The following RRP36 variants were observed in gnomAD, a reference collection of about 807,000 sequenced individuals.
RRP36 encodes the protein ribosomal RNA processing 36.
In RRP36, 44 loss-of-function variants were observed where a neutral mutation model predicts 39.8. The ratio of observed to expected loss-of-function variants is 1.10; its 90% CI spans 0.87 to 1.42. The LOEUF is 1.42. Among genes scored for constraint, RRP36 ranks in the 40% most tolerant of loss-of-function variants. The pLI is 0.00. For missense variants in RRP36, 316 were observed against 322.4 expected, an observed-to-expected ratio of 0.98 and a Z score of 0.15; for synonymous variants, 124 against 123.1, an observed-to-expected ratio of 1.01 and a Z score of -0.05.
intron 1 of RRP36, among the ~76,000 whole-genome samples, chr6:43,024,553 T>C (rs1762777085): frequency 6.6e-6 from 1 of 152,070 alleles, no homozygotes; most frequent in African/African-American, 2.4e-5. Context: ...TTGAGGCGCA[T>C]AGCTTTGAGA....
At chr6:43,025,952 A>T (rs1229642335) in intron 3 of RRP36, 85 bp from the exon 4 acceptor site, 3 of 998,500 alleles carry the variant, frequency 3.0e-6, no homozygotes, top group Admixed American at 2.3e-5. Flanking sequence ...AAAAAAAGAA[A>T]GATGAGGAAG....
At chr6:43,028,964 AG>A (rs1762866086) in intron 6 of RRP36, 127 bp from the exon 7 acceptor site, 2 of 1,242,610 alleles carry the variant, frequency 1.6e-6, no homozygotes, top group Admixed American at 2.2e-5. Flanking sequence ...GAAAAAAGAT[AG>A]AGGGGCACCA....
chr6:43,025,352 G>A, intron 3 of RRP36, 23 bp downstream of exon 3: 2 of 1,610,438 alleles, frequency 1.2e-6, no homozygotes, highest in Non-Finnish European at 1.7e-6. Flanking sequence ...GCCAGGCACT[G>A]TGGCTCACGC....
intron 6 of RRP36, 49 bp from the exon 7 acceptor site, chr6:43,029,043 T>C (rs1348138421): frequency 9.3e-6 from 15 of 1,609,386 alleles, no homozygotes; most frequent in Non-Finnish European, 1.3e-5. Flanking sequence ...TGGGAAAGAA[T>C]AGGGGCTTCC....
Position 43,027,364 on chromosome 6 carries a change from A to G in RRP36, c.530A>G (p.Gln177Arg), listed in dbSNP as rs1195152813. 6.2e-7 allele frequency: 1 copy of G among 1,614,104 alleles called. No homozygotes were observed. The highest frequency in any genetic ancestry group is 8.5e-7 in the Non-Finnish European group (1 of 1,180,048). The change falls in exon 6 of 7, where the codon CAG (glutamine) becomes CGG (arginine). Residue 177 changes from glutamine (Q) to arginine (R), a missense_variant. Coordinates refer to ENST00000244496, the MANE Select transcript of RRP36 (RefSeq NM_033112.4). ...CATCTCATCTTTGCTCCTCAGGAGCAGCAAGAAATGGCACAGCAGGAACGA... is the reference window on the plus strand; with the variant it reads ...CATCTCATCTTTGCTCCTCAGGAGCGGCAAGAAATGGCACAGCAGGAACGA... ...KLQQLLQRME[Q>R]QEMAQQERKQ...
chr6:43,027,802 CACAG>C (rs1398421931), intron 6 of RRP36, among the ~76,000 whole-genome samples: 1 of 126,056 alleles, frequency 7.9e-6, no homozygotes, highest in East Asian at 2.5e-4. Context: ...CACACACAAA[CACAG>C]AGTCAGTTTT....
chr6:43,027,300 G>A (rs1561863705), intron 5 of RRP36, 48 bp downstream of exon 5: 1 of 1,612,038 alleles, frequency 6.2e-7, no homozygotes, highest in Admixed American at 1.7e-5. Flanking sequence ...TTAAAGGTGG[G>A]AGATATTCAC....
At chr6:43,027,716 C>G (rs1360423464) in intron 6 of RRP36, among the ~76,000 whole-genome samples, 2 of 131,666 alleles carry the variant, frequency 1.5e-5, no homozygotes, top group Non-Finnish European at 3.3e-5. Context: ...TTCCCAACCC[C>G]CCCCCCCCAA....
chr6:43,029,477 G>T lies in RRP36; in HGVS notation c.*249G>T. 1 of 383,820 alleles carries T rather than the reference G, an allele frequency of 2.6e-6. No individual in the cohort carries two copies. Among genetic ancestry groups the T allele is most frequent in the Non-Finnish European group, 4.6e-6 (1 of 215,552 alleles). The allele number at this position is 383,820 out of a possible 1,614,324, so 23.8% of individuals were successfully genotyped here. On this transcript the variant is annotated 3_prime_UTR_variant, in exon 7 of 7. Coordinates refer to ENST00000244496, the MANE Select transcript of RRP36 (RefSeq NM_033112.4). ...GTCCTCGTGTTCTTCTCTCATCCTT[G>T]CCTTAAACCAGGGATTCTGATACCG...
chr6:43,028,173 A>G (rs1288618279), intron 6 of RRP36, among the ~76,000 whole-genome samples: 1 of 151,802 alleles, frequency 6.6e-6, no homozygotes, highest in East Asian at 1.9e-4. Flanking sequence ...TACTAAAGAT[A>G]TAAAAAAATT....
intron 1 of RRP36, among the ~76,000 whole-genome samples, chr6:43,022,447 C>T (rs1312475882): frequency 1.3e-5 from 2 of 151,564 alleles, no homozygotes; most frequent in African/African-American, 2.4e-5. Context: ...AAAGTCTCGC[C>T]CTGTAGCCCA....
chr6:43,028,939 C>T (rs957157186), intron 6 of RRP36, among the ~76,000 whole-genome samples, 153 bp from the exon 7 acceptor site: 1 of 152,124 alleles, frequency 6.6e-6, no homozygotes, highest in Non-Finnish European at 1.5e-5. Flanking sequence ...GGTAACAGAG[C>T]AGGACTCCGT....
Position 43,025,340 on chromosome 6 carries a change from A to C in RRP36, c.345+11A>C, listed in dbSNP as rs769168401. On this transcript the variant is annotated intron_variant, in intron 3 of 6. Coordinates refer to ENST00000244496, the MANE Select transcript of RRP36 (RefSeq NM_033112.4). ...CCCATTAGTAAAAAGGTAAGGAAGA[A>C]GGCCAGGCACTGTGGCTCACGCCTG... 2 of 1,612,510 alleles carry C rather than the reference A, an allele frequency of 1.2e-6. No individual in the cohort carries two copies. Among genetic ancestry groups the C allele is most frequent in the South Asian group, 2.2e-5 (2 of 90,998 alleles).
rs772721005 is a variant in RRP36 at position 43,024,978 on chromosome 6, T to A, written c.131-7T>A. 6.2e-7 allele frequency: 1 copy of A among 1,613,594 alleles called. No homozygotes were observed. The highest frequency in any genetic ancestry group is 1.7e-5 in the Admixed American group (1 of 60,010). On this transcript the variant is annotated splice_region_variant and splice_polypyrimidine_tract_variant and intron_variant, in intron 1 of 6. Transcript: ENST00000244496. ...GCTGAGTTGTATGTCCCTCCCCACTTCCACAGGCACATCTAACATGTCATT... is the reference window on the plus strand; with the variant it reads ...GCTGAGTTGTATGTCCCTCCCCACTACCACAGGCACATCTAACATGTCATT...
At chr6:43,021,817 G>GGAAGGA in intron 1 of RRP36, 33 bp downstream of exon 1, 1 of 1,200,138 alleles carries the variant, frequency 8.3e-7, no homozygotes, top group Non-Finnish European at 1.0e-6. Flanking sequence ...GCTGGGGAGG[G>GGAAGGA]GAAGGAGATT....
At chr6:43,027,129 G>A in intron 4 of RRP36, 49 bp from the exon 5 acceptor site, 1 of 1,537,714 alleles carries the variant, frequency 6.5e-7, no homozygotes, top group African/African-American at 1.4e-5. Flanking sequence ...TAAAATTTCA[G>A]CTAACATTTG....
chr6:43,024,394 C>T (rs1036219459), intron 1 of RRP36, among the ~76,000 whole-genome samples: 1 of 152,020 alleles, frequency 6.6e-6, no homozygotes, highest in African/African-American at 2.4e-5. Flanking sequence ...CACTTGGGGG[C>T]TTGCAGGCCA....
At chr6:43,027,885 CAG>C (rs1290235203) in intron 6 of RRP36, among the ~76,000 whole-genome samples, 2 of 147,776 alleles carry the variant, frequency 1.4e-5, no homozygotes, top group African/African-American at 2.6e-5. Flanking sequence ...CACACACACA[CAG>C]AGTTTTATCT....
chr6:43,021,851 A>G (rs1762720066), intron 1 of RRP36, 67 bp downstream of exon 1: 1 of 1,147,390 alleles, frequency 8.7e-7, no homozygotes, highest in Non-Finnish European at 1.1e-6. Flanking sequence ...CTGAGCCTGC[A>G]GAGACGGTGC....
Sources: gnomAD v4.1 joint callset for allele counts (sites outside exome capture counted in the v4.1 genomes callset) on GRCh38, gnomAD v4.1.1 for gene constraint, MANE v1.5 for transcripts, NCBI Gene and HGNC (gene_info 2026-07-23, HGNC 2026-07-21) for gene names.